The following TENM3 variants were observed in gnomAD, a reference collection of about 807,000 sequenced individuals.
TENM3 encodes the protein teneurin transmembrane protein 3.
Under a neutral mutation model 255.1 loss-of-function variants are expected in TENM3, and 63 were observed. That is an observed-to-expected ratio of 0.25 (90% CI 0.20 to 0.30). The LOEUF (loss-of-function observed/expected upper bound fraction) is 0.30. Ranked by LOEUF, TENM3 falls within the 10% of genes least tolerant of loss-of-function variation. The pLI is 1.00. For missense variants in TENM3, 2,929 were observed against 3,461.1 expected (o/e 0.85, Z 3.86); for synonymous variants, 1,306 against 1,322.3 (o/e 0.99, Z 0.27).
At chr4:182,174,061 T>TA (rs76679409) in intron 1 of TENM3, among the ~76,000 whole-genome samples, 19,248 of 152,132 alleles carry the variant, frequency 0.13, 1,434 homozygotes, top group South Asian at 0.21. Context: ...AATTGATAAC[T>TA]AAAAAATTGT....
At chr4:181,685,937 G>A in the TENM3 span, among the ~76,000 whole-genome samples, 1 of 152,242 alleles carries the variant, frequency 6.6e-6, no homozygotes, top group Non-Finnish European at 1.5e-5. Flanking sequence ...TGTTCTCAGG[G>A]TGTTAGTATT....
intron 3 of TENM3, among the ~76,000 whole-genome samples, chr4:182,394,362 T>C (rs1030941852): frequency 6.6e-6 from 1 of 152,154 alleles, no homozygotes; most frequent in Admixed American, 6.5e-5. Flanking sequence ...TTGAAATACA[T>C]GCGCATACAG....
chr4:182,052,909 A>G, the TENM3 span, among the ~76,000 whole-genome samples: 1 of 152,162 alleles, frequency 6.6e-6, no homozygotes, highest in Non-Finnish European at 1.5e-5. Context: ...TTGTGTTTGT[A>G]TATTTCATTG....
chr4:181,532,949 T>G, the TENM3 span, among the ~76,000 whole-genome samples: 3 of 152,360 alleles, frequency 2.0e-5, no homozygotes, highest in South Asian at 4.1e-4. Flanking sequence ...AGGATTTGTT[T>G]AAGACTGTGA....
At chr4:182,491,750 A>G (rs1249374857) in intron 3 of TENM3, among the ~76,000 whole-genome samples, 1 of 152,186 alleles carries the variant, frequency 6.6e-6, no homozygotes, top group Non-Finnish European at 1.5e-5. Flanking sequence ...TGGGACACCT[A>G]CAGAATCCAC....
At chr4:182,353,659 T>C (rs188340810) in intron 3 of TENM3, among the ~76,000 whole-genome samples, 4 of 152,312 alleles carry the variant, frequency 2.6e-5, no homozygotes, top group Admixed American at 6.5e-5. Flanking sequence ...CAAGTCACTT[T>C]TTAGTATAAT....
At chr4:181,549,058 T>C in the TENM3 span, among the ~76,000 whole-genome samples, 1 of 152,130 alleles carries the variant, frequency 6.6e-6, no homozygotes, top group African/African-American at 2.4e-5. Flanking sequence ...CATCCATGCT[T>C]CCAAAGAGTG....
the TENM3 span, among the ~76,000 whole-genome samples, chr4:182,126,239 A>C: frequency 2.6e-5 from 4 of 152,108 alleles, no homozygotes; most frequent in Non-Finnish European, 4.4e-5. Context: ...AATCAGCATT[A>C]TTATCCACAG....
chr4:181,492,149 C>A, the TENM3 span, among the ~76,000 whole-genome samples: 2 of 152,144 alleles, frequency 1.3e-5, no homozygotes, highest in African/African-American at 4.8e-5. Flanking sequence ...ATGCTTGAAC[C>A]AATAGGTTTG....
At chr4:182,313,148 A>G (rs551532223) in intron 1 of TENM3, among the ~76,000 whole-genome samples, 1 of 151,778 alleles carries the variant, frequency 6.6e-6, no homozygotes, top group East Asian at 1.9e-4. Flanking sequence ...TTCCTTCTAC[A>G]TAGGAATATT....
At chr4:182,081,770 T>C in the TENM3 span, 2 of 152,030 alleles carry the variant, frequency 1.3e-5, no homozygotes, top group Non-Finnish European at 2.9e-5. Context: ...TACTTTTAAG[T>C]GACTTGGCTC....
chr4:182,714,133 C>T lies in TENM3; in HGVS notation c.2268C>T (p.Asp756=). The T allele has an allele frequency of 6.2e-7, 1 of 1,613,766 alleles. No homozygotes were observed. The highest frequency in any genetic ancestry group is 2.2e-5 in the East Asian group (1 of 44,862). ...LCNSNGRCTL[D]QNGWHCVCQP... ...ACAGCAATGGAAGATGTACCCTGGA[C>T]CAAAATGGCTGGCATTGTGTGTGCC... is the stretch of plus-strand genomic sequence containing the variant. Residue 756 remains aspartate (D), a synonymous_variant, in exon 13 of 28, where the codon GAC becomes GAT. Coordinates refer to ENST00000511685, the MANE Select transcript of TENM3 (RefSeq NM_001080477.4).
At chr4:182,452,772 T>C (rs544680077) in intron 3 of TENM3, among the ~76,000 whole-genome samples, 2 of 152,356 alleles carry the variant, frequency 1.3e-5, no homozygotes, top group Non-Finnish European at 2.9e-5. Flanking sequence ...TTTATTATGC[T>C]TAGATTTATC....
the TENM3 span, among the ~76,000 whole-genome samples, chr4:181,675,442 A>C: frequency 5.3e-5 from 8 of 152,114 alleles, no homozygotes; most frequent in African/African-American, 1.9e-4. Flanking sequence ...TTTTATTATG[A>C]TTATTACTAT....
the TENM3 span, among the ~76,000 whole-genome samples, chr4:181,897,576 A>G: frequency 2.0e-5 from 3 of 152,224 alleles, no homozygotes; most frequent in Non-Finnish European, 4.4e-5. Flanking sequence ...ACAGCTTTGC[A>G]AGAACAAGAT....
the TENM3 span, among the ~76,000 whole-genome samples, chr4:181,977,408 T>A: frequency 6.6e-6 from 1 of 152,196 alleles, no homozygotes; most frequent in African/African-American, 2.4e-5. Context: ...TTTTCTGCAT[T>A]TGAAGCCCAT....
chr4:181,712,785 A>G, the TENM3 span, among the ~76,000 whole-genome samples: 31 of 152,360 alleles, frequency 2.0e-4, no homozygotes, highest in African/African-American at 7.0e-4. Flanking sequence ...AATAGAAATT[A>G]CAAAATTTCT....
intron 2 of TENM3, among the ~76,000 whole-genome samples, chr4:182,331,824 G>A (rs9790638): frequency 0.7 from 105,886 of 151,968 alleles, 36,992 homozygotes; most frequent in African/African-American, 0.71. Context: ...CTTAAAATGC[G>A]TACCTTAAAC....
At chr4:182,551,584 A>G (rs951759708) in intron 3 of TENM3, among the ~76,000 whole-genome samples, 1 of 152,152 alleles carries the variant, frequency 6.6e-6, no homozygotes, top group African/African-American at 2.4e-5. Context: ...ATAAAATTAA[A>G]ATTATAAATA....
Sources: allele counts gnomAD v4.1 joint callset (sites outside exome capture counted in the v4.1 genomes callset), GRCh38; gene constraint gnomAD v4.1.1; transcripts MANE v1.5; gene names NCBI Gene and HGNC (gene_info 2026-07-23, HGNC 2026-07-21).